Variants in MAP4K1 observed in about 807,000 individuals in gnomAD.
MAP4K1 encodes mitogen-activated protein kinase kinase kinase kinase 1, also known as MAPK/ERK kinase kinase kinase 1.
A neutral mutation model predicts 122.8 loss-of-function variants in MAP4K1; 35 were observed. The ratio of observed to expected loss-of-function variants is 0.29; its 90% CI spans 0.22 to 0.38. The LOEUF (loss-of-function observed/expected upper bound fraction) is 0.38, where lower values mean the gene tolerates loss of function less well. Ranked by LOEUF, MAP4K1 falls within the 10% of genes least tolerant of loss-of-function variation. The probability of loss-of-function intolerance (pLI) is 1.00; values close to 1 mark genes in which losing one functional copy is unlikely to be tolerated. For missense variants in MAP4K1, 791 were observed against 1,072.6 expected, an observed-to-expected ratio of 0.74 and a Z score of 3.67; for synonymous variants, 412 against 421.3, an observed-to-expected ratio of 0.98 and a Z score of 0.27.
At position 38,596,306 on chromosome 19, in the gene MAP4K1, A is replaced by G. The variant is rs760639630; in HGVS notation, c.2116+6T>C. On this transcript the variant is annotated splice_donor_region_variant and intron_variant, in intron 26 of 30. Coordinates refer to ENST00000396857, the MANE Select transcript of MAP4K1 (RefSeq NM_001042600.3). The stretch of plus-strand genomic sequence containing the variant: ...CCCGCCCTCAGCAAGACTCCGCCCC[A>G]CTCACCGGTGCTCATCTCGCCCAGC... 2 of 1,557,382 alleles carry G rather than the reference A, an allele frequency of 1.3e-6. No individual in the cohort carries two copies. The highest frequency in any genetic ancestry group is 3.7e-5 in the Admixed American group (2 of 54,740).
At chr19:38,592,549 T>C (rs1401023835) in intron 30 of MAP4K1, 3 of 151,506 alleles carry the variant, frequency 2.0e-5, no homozygotes, top group East Asian at 3.9e-4. Flanking sequence ...CACTCCAGCC[T>C]GGGCAACACA....
At chr19:38,605,864 T>G in intron 17 of MAP4K1, 134 bp from the exon 18 acceptor site, 1 of 794,116 alleles carries the variant, frequency 1.3e-6, no homozygotes, top group Non-Finnish European at 1.9e-6. Flanking sequence ...CAACATCTTG[T>G]GCCCCCTCCA....
At chr19:38,611,618 A>T (rs906818546) in intron 9 of MAP4K1, among the ~76,000 whole-genome samples, 14 of 150,688 alleles carry the variant, frequency 9.3e-5, no homozygotes, top group South Asian at 6.3e-4. Flanking sequence ...CAAAAAAAAA[A>T]TTTTTTTTTT....
In MAP4K1 at chr19:38,603,061, T is replaced by C. The variant is rs552204008; in HGVS notation, c.1447-1536A>G. Among the ~76,000 whole-genome samples the C allele has an allele frequency of 2.2e-5, 3 of 135,252 alleles. 1 individual carries two copies. The highest frequency in any genetic ancestry group is 2.5e-4 in the East Asian group (1 of 4,074). The allele number at this position is 135,252 out of a possible 152,430, so 88.7% of individuals were successfully genotyped here. A position where few individuals can be genotyped will look rare whatever the true frequency, so the allele number is the denominator to read the frequency against. On this transcript the variant is annotated intron_variant, in intron 19 of 30. Transcript: ENST00000396857. ...ACATGTACATATATACGCATATACA[T>C]ATACACATATACATATATACACATG... is the stretch of plus-strand genomic sequence containing the variant.
chr19:38,600,784 C>T (rs1411237931), intron 20 of MAP4K1, among the ~76,000 whole-genome samples: 2 of 150,922 alleles, frequency 1.3e-5, no homozygotes, highest in Non-Finnish European at 2.9e-5. Flanking sequence ...CACTCTCCAA[C>T]TCATCCCTCT....
chr19:38,603,117 T>C (rs1046278233), intron 19 of MAP4K1, among the ~76,000 whole-genome samples: 1 of 140,110 alleles, frequency 7.1e-6, no homozygotes, highest in African/African-American at 2.6e-5. Flanking sequence ...TATATACACA[T>C]GTACATATAT....
At chr19:38,588,758 A>T (rs1273277503) in intron 30 of MAP4K1, among the ~76,000 whole-genome samples, 1 of 151,522 alleles carries the variant, frequency 6.6e-6, no homozygotes, top group African/African-American at 2.4e-5. Context: ...TCTCAAAAAA[A>T]AAAAAAAAAA....
chr19:38,598,771 T>C (rs1192136895), intron 22 of MAP4K1, among the ~76,000 whole-genome samples: 1 of 152,054 alleles, frequency 6.6e-6, no homozygotes, highest in Non-Finnish European at 1.5e-5. Context: ...CCCAGCACTT[T>C]GGGGGGCTGA....
At chr19:38,609,813 C>T in intron 12 of MAP4K1, 96 bp downstream of exon 12, 1 of 1,324,140 alleles carries the variant, frequency 7.6e-7, no homozygotes, top group South Asian at 1.2e-5. Context: ...CCCTGTTTTC[C>T]CCCTAAGAGA....
chr19:38,616,367 G>A (rs1038356866), intron 3 of MAP4K1, 108 bp from the exon 4 acceptor site: 2 of 736,586 alleles, frequency 2.7e-6, no homozygotes, highest in Non-Finnish European at 4.4e-6. Flanking sequence ...GAACTTTAAC[G>A]TAACAGCTCT....
chr19:38,614,468 G>A lies in MAP4K1; in HGVS notation c.314-23C>T, dbSNP rs766730130. 3 of 1,613,648 alleles carry A rather than the reference G, an allele frequency of 1.9e-6. No individual in the cohort carries two copies. In the South Asian group the frequency reaches 3.3e-5, roughly 18 times the overall value. The stretch of plus-strand genomic sequence containing the variant: ...TCACTGCAAAGGTCACCCCGGCCAG[G>A]CCAGGCATTGGATGGGAGCCAGGGA... On this transcript the variant is annotated intron_variant, in intron 4 of 30. Coordinates refer to ENST00000396857, the MANE Select transcript of MAP4K1 (RefSeq NM_001042600.3).
intron 30 of MAP4K1, among the ~76,000 whole-genome samples, chr19:38,591,332 C>T (rs1417665543): frequency 6.6e-6 from 1 of 151,520 alleles, no homozygotes; most frequent in African/African-American, 2.4e-5. Flanking sequence ...AGTTCGAGAC[C>T]AGCCTAACCA....
rs1335144403 is a variant in MAP4K1, at chr19:38,608,144, G to A, written c.1033C>T (p.Arg345Ter). The change falls in exon 14 of 31, where the codon CGA becomes TGA. Residue 345 changes from arginine to a stop codon, truncating the protein, a stop_gained. Coordinates refer to ENST00000396857, the MANE Select transcript of MAP4K1 (RefSeq NM_001042600.3). LOFTEE classifies it high-confidence loss of function. Reference protein sequence around the residue: ...CRRHMEFRKLRGMETRPPANT... With the variant: ...CRRHMEFRKL ...GCTGGGGGTCTGGTCTCCATTCCTCGGAGCTTCCTGAACTCCATGTGCCGC... is the reference window on the plus strand; with the variant it reads ...GCTGGGGGTCTGGTCTCCATTCCTCAGAGCTTCCTGAACTCCATGTGCCGC... The A allele has an allele frequency of 1.3e-6, 2 of 1,529,510 alleles. No homozygotes were observed. The highest frequency in any genetic ancestry group is 8.8e-7 in the Non-Finnish European group (1 of 1,141,146). The allele number at this position is 1,529,510 out of a possible 1,614,324, so 94.7% of individuals were successfully genotyped here.
intron 20 of MAP4K1, among the ~76,000 whole-genome samples, chr19:38,600,526 C>T (rs1405659313): frequency 1.3e-5 from 2 of 152,052 alleles, no homozygotes; most frequent in African/African-American, 4.8e-5. Context: ...ACTCAGACAC[C>T]CCCAAACAGG....
chr19:38,591,637 A>G (rs1355363532), intron 30 of MAP4K1, among the ~76,000 whole-genome samples: 2 of 152,014 alleles, frequency 1.3e-5, no homozygotes, highest in Non-Finnish European at 2.9e-5. Context: ...AGTTATTTTT[A>G]ATAGTTAAAA....
intron 13 of MAP4K1, among the ~76,000 whole-genome samples, chr19:38,609,307 G>A (rs1203641997): frequency 6.6e-6 from 1 of 152,030 alleles, no homozygotes; most frequent in East Asian, 1.9e-4. Flanking sequence ...GCTAATTTTT[G>A]TATTTTTAGC....
chr19:38,596,122 C>T, intron 26 of MAP4K1, 121 bp from the exon 27 acceptor site: 1 of 1,317,634 alleles, frequency 7.6e-7, no homozygotes, highest in Non-Finnish European at 1.1e-6. Flanking sequence ...GTGGGCTAAA[C>T]CCCGCCCACC....
In MAP4K1 at chr19:38,597,172, C is replaced by A. The variant is rs781278814; in HGVS notation, c.1838-35G>T. 12 of 1,607,670 alleles carry A rather than the reference C, an allele frequency of 7.5e-6. No individual in the cohort carries two copies. In the Admixed American group the frequency reaches 1.5e-4, roughly 20 times the overall value. On this transcript the variant is annotated intron_variant, in intron 24 of 30. Coordinates refer to ENST00000396857, the MANE Select transcript of MAP4K1 (RefSeq NM_001042600.3). The surrounding 1 kb of genome is among the most constrained non-coding windows in gnomAD (Gnocchi z 4.6). Reference sequence around the variant, plus strand: ...GGGCAAGGATGAGTCAAGATCAATGCCCTCTATCCTCCTCGCCACCCACAC... The same window carrying A: ...GGGCAAGGATGAGTCAAGATCAATGACCTCTATCCTCCTCGCCACCCACAC...
intron 12 of MAP4K1, 34 bp from the exon 13 acceptor site, chr19:38,609,708 A>T: frequency 6.3e-7 from 1 of 1,581,978 alleles, no homozygotes; most frequent in African/African-American, 1.3e-5. Flanking sequence ...AGGGCTCAAG[A>T]CCCCCAAGCA....
Sources: gnomAD v4.1 joint callset for allele counts (sites outside exome capture counted in the v4.1 genomes callset) on GRCh38, gnomAD v4.1.1 for gene constraint, Gnocchi (gnomAD v3.1) non-coding constraint, MANE v1.5 for transcripts, NCBI Gene and HGNC (gene_info 2026-07-23, HGNC 2026-07-21) for gene names.